AGPAT4: variants seen among roughly 807,000 people sequenced by gnomAD.
AGPAT4 encodes the protein 1-acyl-sn-glycerol-3-phosphate acyltransferase delta.
AGPAT4 carries 15 observed loss-of-function variants against 48.0 expected under a neutral mutation model. The ratio of observed to expected loss-of-function variants is 0.31; its 90% CI spans 0.21 to 0.48. The LOEUF is 0.48. Among genes scored for constraint, AGPAT4 ranks in the 20% least tolerant of loss-of-function variants. The pLI, the probability that AGPAT4 is intolerant of heterozygous loss-of-function variation, is 0.99. For synonymous variants in AGPAT4, 178 were observed against 198.7 expected (o/e 0.90, Z 0.88); for missense variants, 314 against 482.5 (o/e 0.65, Z 3.27).
Position 161,232,708 on chromosome 6 carries a change from CT to C in AGPAT4, c.-89-407del, listed in dbSNP as rs1469777509. 6.6e-6 allele frequency among the ~76,000 whole-genome samples: 1 copy of C among 152,180 alleles called. No individual in the cohort carries two copies. The highest frequency in any genetic ancestry group is 1.5e-5 in the Non-Finnish European group (1 of 68,030). ...CCTCCCCTCCTGCTGCCATCGCGGC[CT>C]GAGCCCCATTCTCTCACCCCTAGCC... On this transcript the variant is annotated intron_variant, in intron 1 of 8. Transcript: ENST00000320285. This position sits in a 1 kb window ranked among gnomAD's most constrained non-coding sequence, Gnocchi z 6.8.
intron 2 of AGPAT4, among the ~76,000 whole-genome samples, chr6:161,179,217 C>A (rs780680799): frequency 3.3e-5 from 5 of 152,206 alleles, no homozygotes; most frequent in Admixed American, 6.5e-5. Flanking sequence ...TCGTTTCCAA[C>A]ATGCGTGGGT....
rs1212426365 is a variant in AGPAT4, at chr6:161,180,333, G to T, written c.179-13916C>A. Among the ~76,000 whole-genome samples, 1 of 152,138 alleles carries T rather than the reference G, an allele frequency of 6.6e-6. No individual in the cohort carries two copies. Among genetic ancestry groups the T allele is most frequent in the Admixed American group, 6.5e-5 (1 of 15,288 alleles). On this transcript the variant is annotated intron_variant, in intron 2 of 8. Coordinates refer to ENST00000320285, the MANE Select transcript of AGPAT4 (RefSeq NM_020133.3). This position sits in a 1 kb window ranked among gnomAD's most constrained non-coding sequence, Gnocchi z 6.4. ...GGAGAATTTCTACTAAAACAGGGGA[G>T]GCAAGGACCCTGTAGGAAAGACCTC...
Position 161,200,056 on chromosome 6 carries a change from G to A in AGPAT4, c.178+31980C>T, listed in dbSNP as rs572433583. Among the ~76,000 whole-genome samples the A allele has an allele frequency of 6.6e-6, 1 of 152,328 alleles. No homozygotes were observed. Among genetic ancestry groups the A allele is most frequent in the Non-Finnish European group, 1.5e-5 (1 of 68,036 alleles). ...AAGGGGAAGGAGAGAGGGAAAGGAA[G>A]GGCACTGAGGAGGGCTTCTAAGGGC... On this transcript the variant is annotated intron_variant, in intron 2 of 8. Coordinates refer to ENST00000320285, the MANE Select transcript of AGPAT4 (RefSeq NM_020133.3). This position sits in a 1 kb window ranked among gnomAD's most constrained non-coding sequence, Gnocchi z 5.5.
In AGPAT4 at chr6:161,255,204, A is replaced by T. The variant is rs1394866717; in HGVS notation, c.-90+18734T>A. ...TAGCTCTATGATAATGGCTTGACGT[A>T]GGTCCAAAGAGCAAAGGAACTTGGA... On this transcript the variant is annotated intron_variant, in intron 1 of 8. Coordinates refer to ENST00000320285, the MANE Select transcript of AGPAT4 (RefSeq NM_020133.3). This position sits in a 1 kb window ranked among gnomAD's most constrained non-coding sequence, Gnocchi z 4.7. Among the ~76,000 whole-genome samples, 1 of 152,224 alleles carries T rather than the reference A, an allele frequency of 6.6e-6. No individual in the cohort carries two copies. The highest frequency in any genetic ancestry group is 2.4e-5 in the African/African-American group (1 of 41,464).
rs774880560 is a variant in AGPAT4 at position 161,161,374 on chromosome 6, A to G, written c.348+4874T>C. 1.1e-5 allele frequency: 5 copies of G among 456,580 alleles called. No homozygotes were observed. The highest frequency in any genetic ancestry group is 4.0e-5 in the African/African-American group (2 of 50,066). The allele number at this position is 456,580 out of a possible 1,614,324, so 28.3% of individuals were successfully genotyped here. A position where few individuals can be genotyped will look rare whatever the true frequency, so the allele number is the denominator to read the frequency against. On this transcript the variant is annotated intron_variant, in intron 3 of 8. Coordinates refer to ENST00000320285, the MANE Select transcript of AGPAT4 (RefSeq NM_020133.3). This position sits in a 1 kb window ranked among gnomAD's most constrained non-coding sequence, Gnocchi z 4.6. Reference sequence around the variant, plus strand: ...TTCGCCTGCTACCTCGGTCGTCACCATTATCGGGTTCCTCATCCATGTGAT... The same window carrying G: ...TTCGCCTGCTACCTCGGTCGTCACCGTTATCGGGTTCCTCATCCATGTGAT...
In AGPAT4 at chr6:161,134,810, A is replaced by G. The variant is rs1339445811; in HGVS notation, c.*1730T>C. On this transcript the variant is annotated 3_prime_UTR_variant, in exon 9 of 9. Transcript: ENST00000320285. The stretch of plus-strand genomic sequence containing the variant: ...AAGGTCACGTCCTGGGCTTTTGCCC[A>G]CAGATCTCTGCACACGGTGCTTCAT... 1 of 152,184 alleles carries G rather than the reference A, an allele frequency of 6.6e-6. No individual in the cohort carries two copies. The highest frequency in any genetic ancestry group is 2.4e-5 in the African/African-American group (1 of 41,382). The allele number at this position is 152,184 out of a possible 1,614,324, so 9.4% of individuals were successfully genotyped here.
intron 5 of AGPAT4, among the ~76,000 whole-genome samples, chr6:161,151,014 C>G (rs1422113788): frequency 6.6e-6 from 1 of 152,180 alleles, no homozygotes; most frequent in Non-Finnish European, 1.5e-5. Context: ...AAAGAGCCAC[C>G]TAAATATCAG....
At chr6:161,156,189 C>T (rs1190169201) in intron 3 of AGPAT4, among the ~76,000 whole-genome samples, 2 of 152,190 alleles carry the variant, frequency 1.3e-5, no homozygotes, top group Non-Finnish European at 2.9e-5. Context: ...AGACATGTCA[C>T]GTGGGTTATG....
rs1781334658 is a variant in AGPAT4, at chr6:161,204,757, G to A, written c.178+27279C>T. On this transcript the variant is annotated intron_variant, in intron 2 of 8. Transcript: ENST00000320285. The surrounding 1 kb of genome is among the most constrained non-coding windows in gnomAD (Gnocchi z 4.4). ...GCAGAGAGGATACAGACCACGGTGG[G>A]GCTGATCAAAGAGGCAGGAGCTTTT... is the stretch of plus-strand genomic sequence containing the variant. 6.6e-6 allele frequency among the ~76,000 whole-genome samples: 1 copy of A among 151,952 alleles called. No individual in the cohort carries two copies. The highest frequency in any genetic ancestry group is 1.5e-5 in the Non-Finnish European group (1 of 68,006).
Position 161,133,424 on chromosome 6 carries a change from C to T in AGPAT4, c.*3116G>A, listed in dbSNP as rs1778965275. ...AGATATTCCAGTACTACTGTGTGAT[C>T]ATATGAAAAAAGTTGGTTTTCTCTC... On this transcript the variant is annotated 3_prime_UTR_variant, in exon 9 of 9. Transcript: ENST00000320285. 6.6e-6 allele frequency: 1 copy of T among 152,154 alleles called. No homozygotes were observed. 9.4% of individuals were successfully genotyped at this position (152,154 alleles called of 1,614,324 possible).
rs1377599007 is a variant in AGPAT4, at chr6:161,206,527, T to C, written c.178+25509A>G. On this transcript the variant is annotated intron_variant, in intron 2 of 8. Transcript: ENST00000320285. This position sits in a 1 kb window ranked among gnomAD's most constrained non-coding sequence, Gnocchi z 4.8. The stretch of plus-strand genomic sequence containing the variant: ...CTTACCTGGCAATAATAAGGTGGCA[T>C]CCCTTGACCCAGTGACACAGTATCA... Among the ~76,000 whole-genome samples the C allele has an allele frequency of 6.6e-6, 1 of 152,126 alleles. No individual in the cohort carries two copies. The highest frequency in any genetic ancestry group is 1.5e-5 in the Non-Finnish European group (1 of 68,022).
chr6:161,148,714 GA>G lies in AGPAT4; in HGVS notation c.767+472del, dbSNP rs1779506971. 6.6e-6 allele frequency among the ~76,000 whole-genome samples: 1 copy of G among 152,214 alleles called. No individual in the cohort carries two copies. Among genetic ancestry groups the G allele is most frequent in the African/African-American group, 2.4e-5 (1 of 41,450 alleles). On this transcript the variant is annotated intron_variant, in intron 6 of 8. Coordinates refer to ENST00000320285, the MANE Select transcript of AGPAT4 (RefSeq NM_020133.3). The surrounding 1 kb of genome is among the most constrained non-coding windows in gnomAD (Gnocchi z 5.5). ...TCAGCCCATTCTATAAGCAGGCAGAGAGAACTAGTTTGACTAATATGTTCTG... is the reference window on the plus strand; with the variant it reads ...TCAGCCCATTCTATAAGCAGGCAGAGGAACTAGTTTGACTAATATGTTCTG...
chr6:161,225,150 T>C lies in AGPAT4; in HGVS notation c.178+6886A>G, dbSNP rs1429554451. Among the ~76,000 whole-genome samples the C allele has an allele frequency of 6.6e-6, 1 of 152,008 alleles. No individual in the cohort carries two copies. Among genetic ancestry groups the C allele is most frequent in the Non-Finnish European group, 1.5e-5 (1 of 67,998 alleles). ...CCTGCTCCACCCTGACTCCTTCCGATGACCTGCTCCACCCTGACTCATTCC... is the reference window on the plus strand; with the variant it reads ...CCTGCTCCACCCTGACTCCTTCCGACGACCTGCTCCACCCTGACTCATTCC... On this transcript the variant is annotated intron_variant, in intron 2 of 8. Transcript: ENST00000320285. This position sits in a 1 kb window ranked among gnomAD's most constrained non-coding sequence, Gnocchi z 5.0.
chr6:161,166,234 C>T lies in AGPAT4; in HGVS notation c.348+14G>A, dbSNP rs766829020. ...GAAATGTGTGAGGCAGGGGGGAATG[C>T]ACTTCTGACTTACCCCTAACAGCCC... On this transcript the variant is annotated intron_variant, in intron 3 of 8. Transcript: ENST00000320285. The surrounding 1 kb of genome is among the most constrained non-coding windows in gnomAD (Gnocchi z 6.7). 5 of 1,612,732 alleles carry T rather than the reference C, an allele frequency of 3.1e-6. No homozygotes were observed. The highest frequency in any genetic ancestry group is 2.2e-5 in the South Asian group (2 of 90,668).
intron 1 of AGPAT4, among the ~76,000 whole-genome samples, chr6:161,256,089 T>C (rs528898037): frequency 3.3e-5 from 5 of 152,184 alleles, no homozygotes; most frequent in Non-Finnish European, 5.9e-5. Context: ...CAGAGCAAGG[T>C]GTCCAGGCGA....
Position 161,180,183 on chromosome 6 carries a change from T to C in AGPAT4, c.179-13766A>G, listed in dbSNP as rs115010178. 6.3e-3 allele frequency among the ~76,000 whole-genome samples: 952 copies of C among 152,250 alleles called. 8 individuals are homozygous for C. The highest frequency in any genetic ancestry group is 0.022 in the African/African-American group (914 of 41,556). ...ATATTTCAAGCCTCCAGGCAAGCTC[T>C]TCCCTGACGCAGGTAGAGAGGGGTC... On this transcript the variant is annotated intron_variant, in intron 2 of 8. Transcript: ENST00000320285. The surrounding 1 kb of genome is among the most constrained non-coding windows in gnomAD (Gnocchi z 6.4).
rs1781261250 is a variant in AGPAT4 at position 161,202,424 on chromosome 6, A to C, written c.178+29612T>G. On this transcript the variant is annotated intron_variant, in intron 2 of 8. Coordinates refer to ENST00000320285, the MANE Select transcript of AGPAT4 (RefSeq NM_020133.3). The surrounding 1 kb of genome is among the most constrained non-coding windows in gnomAD (Gnocchi z 5.4). ...ACAGAGGACAGAGGGGAAAAGAGAG[A>C]GGAAACCAGGCAGAAGCTATGGCCT... Among the ~76,000 whole-genome samples, 1 of 152,134 alleles carries C rather than the reference A, an allele frequency of 6.6e-6. No individual in the cohort carries two copies. Among genetic ancestry groups the C allele is most frequent in the Non-Finnish European group, 1.5e-5 (1 of 68,024 alleles).
chr6:161,258,715 T>C (rs1025671603), intron 1 of AGPAT4, among the ~76,000 whole-genome samples: 7 of 151,828 alleles, frequency 4.6e-5, no homozygotes, highest in African/African-American at 1.7e-4. Context: ...TTACTCAAGC[T>C]AGGTTGTAGC....
chr6:161,175,253 A>G (rs1427270825), intron 2 of AGPAT4, among the ~76,000 whole-genome samples: 1 of 152,226 alleles, frequency 6.6e-6, no homozygotes, highest in African/African-American at 2.4e-5. Context: ...CTCTGGTAGA[A>G]TTCGGCTGTG....
Sources: allele counts gnomAD v4.1 joint callset (sites outside exome capture counted in the v4.1 genomes callset), GRCh38; gene constraint gnomAD v4.1.1; non-coding constraint Gnocchi (gnomAD v3.1); transcripts MANE v1.5; gene names NCBI Gene and HGNC (gene_info 2026-07-23, HGNC 2026-07-21).